The following SLC6A16 variants were observed in gnomAD, a reference collection of about 807,000 sequenced individuals.
The protein encoded by SLC6A16 is orphan sodium- and chloride-dependent neurotransmitter transporter NTT5.
A neutral mutation model predicts 65.4 loss-of-function variants in SLC6A16; 54 were observed. The observed-to-expected ratio is 0.83, with a 90% confidence interval of 0.66 to 1.04. The LOEUF is 1.04. Among genes scored for constraint, SLC6A16 ranks in the 50% least tolerant of loss-of-function variants. The probability of loss-of-function intolerance (pLI) is 0.00; values close to 1 mark genes in which losing one functional copy is unlikely to be tolerated. For missense variants in SLC6A16, 816 were observed against 914.0 expected (o/e 0.89, Z 1.38); for synonymous variants, 330 against 346.5 (o/e 0.95, Z 0.53).
In SLC6A16 at chr19:49,325,035, C is replaced by T; in HGVS notation, c.-65+13G>A. On this transcript the variant is annotated intron_variant, in intron 1 of 11. Transcript: ENST00000335875. Reference sequence around the variant, plus strand: ...TGGGAACATTTTAGGGCTCCCTGGGCCGTGACCCTCACCCTAGCCCCAAGG... The same window carrying T: ...TGGGAACATTTTAGGGCTCCCTGGGTCGTGACCCTCACCCTAGCCCCAAGG... 1 of 985,454 alleles carries T rather than the reference C, an allele frequency of 1.0e-6. No homozygotes were observed. The highest frequency in any genetic ancestry group is 1.2e-6 in the Non-Finnish European group (1 of 829,950). The allele number at this position is 985,454 out of a possible 1,614,324, so 61.0% of individuals were successfully genotyped here. A position where few individuals can be genotyped will look rare whatever the true frequency, so the allele number is the denominator to read the frequency against.
chr19:49,324,831 A>G (rs1970772288), intron 1 of SLC6A16, among the ~76,000 whole-genome samples: 1 of 152,192 alleles, frequency 6.6e-6, no homozygotes, highest in Non-Finnish European at 1.5e-5. Flanking sequence ...ATGAGTGAGG[A>G]GAGCCGAAGA....
the SLC6A16 span, chr19:49,335,933 C>G: frequency 1.5e-6 from 1 of 687,040 alleles, no homozygotes; most frequent in East Asian, 2.5e-5. This position sits in a 1 kb window ranked among gnomAD's most constrained non-coding sequence, Gnocchi z 4.6. Flanking sequence ...TTCTTGGAGC[C>G]TGAGTCTTCT....
At chr19:49,319,563 T>C (rs543723139) in intron 1 of SLC6A16, among the ~76,000 whole-genome samples, 1 of 151,506 alleles carries the variant, frequency 6.6e-6, no homozygotes, top group East Asian at 1.9e-4. Context: ...CATATATATA[T>C]CAAGAAAAGA....
intron 7 of SLC6A16, among the ~76,000 whole-genome samples, chr19:49,304,492 G>T (rs188128725): frequency 6.6e-6 from 1 of 152,134 alleles, no homozygotes; most frequent in African/African-American, 2.4e-5. Context: ...TTGGCTGGGC[G>T]TGGTGGCTCA....
the SLC6A16 span, chr19:49,337,616 A>C: frequency 1.4e-6 from 2 of 1,464,856 alleles, no homozygotes; most frequent in South Asian, 2.5e-5. Context: ...CTCAAAAAAT[A>C]AATTAATAGA....
intron 9 of SLC6A16, 87 bp from the exon 10 acceptor site, chr19:49,293,469 G>T: frequency 7.4e-7 from 1 of 1,351,624 alleles, no homozygotes; most frequent in Non-Finnish European, 1.0e-6. Context: ...AGGGCTGGTG[G>T]CAGACCCAGT....
At chr19:49,310,017 C>G in intron 4 of SLC6A16, 23 bp downstream of exon 4, 1 of 1,610,966 alleles carries the variant, frequency 6.2e-7, no homozygotes, top group Non-Finnish European at 8.5e-7. Context: ...TTCCCTTCTC[C>G]TCTTCTTTCA....
At chr19:49,314,240 AAATAAAG>A (rs1191942790) in intron 1 of SLC6A16, among the ~76,000 whole-genome samples, 1 of 152,208 alleles carries the variant, frequency 6.6e-6, no homozygotes, top group Non-Finnish European at 1.5e-5. Context: ...CAGAACATCA[AAATAAAG>A]AATAGTAACA....
intron 1 of SLC6A16, among the ~76,000 whole-genome samples, chr19:49,323,278 G>A (rs1030100715): frequency 4.6e-5 from 7 of 152,006 alleles, no homozygotes; most frequent in African/African-American, 1.5e-4. Context: ...TAAAACATAC[G>A]ACAAAAGCTT....
Position 49,292,828 on chromosome 19 carries a change from G to A in SLC6A16, c.1778+395C>T, listed in dbSNP as rs78425017. The stretch of plus-strand genomic sequence containing the variant: ...TATCGGAAGGGCCCTCCCTGAAGTC[G>A]TATGTGACTTGGTGCCCACACACAC... On this transcript the variant is annotated intron_variant, in intron 10 of 11. Coordinates refer to ENST00000335875, the MANE Select transcript of SLC6A16 (RefSeq NM_014037.3). The surrounding 1 kb of genome is among the most constrained non-coding windows in gnomAD (Gnocchi z 4.3). Among the ~76,000 whole-genome samples, 2,724 of 152,204 alleles carry A rather than the reference G, an allele frequency of 0.018. 77 individuals are homozygous for A. The highest frequency in any genetic ancestry group is 0.056 in the African/African-American group (2,305 of 41,492).
chr19:49,338,166 C>T, the SLC6A16 span: 118 of 1,452,992 alleles, frequency 8.1e-5, no homozygotes, highest in Non-Finnish European at 1.0e-4. This position sits in a 1 kb window ranked among gnomAD's most constrained non-coding sequence, Gnocchi z 5.0. Flanking sequence ...GCCCGACGCT[C>T]CCCACTCCCC....
rs534129369 is a variant in SLC6A16 at position 49,308,906 on chromosome 19, G to A, written c.1199C>T (p.Ala400Val). ...ACAGCAGCGATGTGTGATGACTGTC[G>A]CCCAGAAGCCCAGGACACAGAAGTT... ...SFNFCVLGFW[A>V]TVITHRCCER... Residue 400 changes from alanine (A) to valine (V), a missense_variant, in exon 7 of 12, where the codon GCG (alanine) becomes GTG (valine). Ala to Val is a moderately conservative substitution (Grantham distance 64). Coordinates refer to ENST00000335875, the MANE Select transcript of SLC6A16 (RefSeq NM_014037.3). 59 of 1,614,076 alleles carry A rather than the reference G, an allele frequency of 3.7e-5. No individual in the cohort carries two copies. Among genetic ancestry groups the A allele is most frequent in the Middle Eastern group, 1.7e-4 (1 of 6,060 alleles).
chr19:49,340,231 C>A, the SLC6A16 span: 1 of 1,605,684 alleles, frequency 6.2e-7, no homozygotes, highest in Non-Finnish European at 8.5e-7. Context: ...CTTCTCTGAC[C>A]TCATCTCCTT....
the SLC6A16 span, among the ~76,000 whole-genome samples, chr19:49,339,120 C>T: frequency 6.6e-6 from 1 of 151,944 alleles, no homozygotes; most frequent in Non-Finnish European, 1.5e-5. This position sits in a 1 kb window ranked among gnomAD's most constrained non-coding sequence, Gnocchi z 4.5. Flanking sequence ...AAAGAAAAGG[C>T]TGGGCTGGCT....
In SLC6A16 at chr19:49,309,145, G is replaced by C. The variant is rs778244729; in HGVS notation, c.988-28C>G. The C allele has an allele frequency of 5.0e-6, 8 of 1,610,756 alleles. No homozygotes were observed. The South Asian group carries it at 8.8e-5, about 18-fold the overall frequency. ...AAAAGAGAGAAGACAAGCATAAGGG[G>C]GTTGTAAAAGAAGAAGCAGAGGACA... On this transcript the variant is annotated intron_variant, in intron 6 of 11. Coordinates refer to ENST00000335875, the MANE Select transcript of SLC6A16 (RefSeq NM_014037.3).
At chr19:49,299,202 C>T (rs1970238181) in intron 7 of SLC6A16, among the ~76,000 whole-genome samples, 1 of 146,766 alleles carries the variant, frequency 6.8e-6, no homozygotes, top group African/African-American at 2.6e-5. Flanking sequence ...GCCGAGATCG[C>T]ACCTCTGCAG....
rs1970039781 is a variant in SLC6A16 at position 49,289,844 on chromosome 19, T to C, written c.*279A>G. ...TTCCAGGAGACAGGCACCCCAGAAGTAGCAGGACTGGTAGACATCACTAGT... is the reference window on the plus strand; with the variant it reads ...TTCCAGGAGACAGGCACCCCAGAAGCAGCAGGACTGGTAGACATCACTAGT... On this transcript the variant is annotated 3_prime_UTR_variant, in exon 12 of 12. Transcript: ENST00000335875. The C allele has an allele frequency of 5.2e-6, 2 of 381,602 alleles. No homozygotes were observed. The highest frequency in any genetic ancestry group is 9.4e-6 in the Non-Finnish European group (2 of 212,296). The allele number at this position is 381,602 out of a possible 1,614,324, so 23.6% of individuals were successfully genotyped here.
chr19:49,325,901 CGCCTGTAATCCCA>C (rs1291245500), upstream of SLC6A16, among the ~76,000 whole-genome samples: 3 of 152,012 alleles, frequency 2.0e-5, no homozygotes, highest in Non-Finnish European at 4.4e-5. Context: ...CGGTGGCTGA[CGCCTGTAATCCCA>C]GCACTTTGGG....
the SLC6A16 span, chr19:49,331,827 G>A: frequency 2.2e-6 from 1 of 457,174 alleles, no homozygotes; most frequent in African/African-American, 2.0e-5. Context: ...AAGTCCTCCT[G>A]TGTGCCTAGG....
Sources: allele counts gnomAD v4.1 joint callset (sites outside exome capture counted in the v4.1 genomes callset), GRCh38; gene constraint gnomAD v4.1.1; non-coding constraint Gnocchi (gnomAD v3.1); transcripts MANE v1.5; gene names NCBI Gene and HGNC (gene_info 2026-07-23, HGNC 2026-07-21).